Variants in WDR19 observed in about 807,000 individuals in gnomAD.
The protein encoded by WDR19 is WD repeat domain 19, also known as WD repeat-containing protein 19.
Under a neutral mutation model 180.0 loss-of-function variants are expected in WDR19, and 121 were observed. That is an observed-to-expected ratio of 0.67 (90% CI 0.58 to 0.78). The LOEUF (loss-of-function observed/expected upper bound fraction) is 0.78, where lower values mean the gene tolerates loss of function less well. WDR19 is among the 30% of genes least tolerant of loss of function. The pLI, the probability that WDR19 is intolerant of heterozygous loss-of-function variation, is 0.00. For synonymous variants in WDR19, 497 were observed against 540.7 expected, an observed-to-expected ratio of 0.92 and a Z score of 1.12; for missense variants, 1,450 against 1,640.7, an observed-to-expected ratio of 0.88 and a Z score of 2.01.
chr4:39,278,741 A>G, intron 36 of WDR19, 78 bp downstream of exon 36: 1 of 746,716 alleles, frequency 1.3e-6, no homozygotes, highest in Admixed American at 2.6e-5. Context: ...GTGTATCAGC[A>G]TCAACTCCTT....
chr4:39,264,335 A>T (rs956332887), intron 28 of WDR19, among the ~76,000 whole-genome samples: 5 of 152,212 alleles, frequency 3.3e-5, no homozygotes, highest in Admixed American at 3.3e-4. Flanking sequence ...ACAAGCTCTC[A>T]TTTATGTACC....
chr4:39,267,616 G>T (rs1029033487), intron 29 of WDR19, among the ~76,000 whole-genome samples: 17 of 152,184 alleles, frequency 1.1e-4, no homozygotes, highest in Non-Finnish European at 2.4e-4. Context: ...AATATATTTT[G>T]TTTCCAAGTA....
chr4:39,264,734 A>C (rs772158611), intron 28 of WDR19, among the ~76,000 whole-genome samples: 2 of 152,018 alleles, frequency 1.3e-5, no homozygotes, highest in Non-Finnish European at 2.9e-5. Flanking sequence ...CCCCTTTTTA[A>C]TAGACACACA....
chr4:39,187,677 A>G (rs879146851), intron 3 of WDR19, among the ~76,000 whole-genome samples: 6 of 152,218 alleles, frequency 3.9e-5, no homozygotes, highest in Admixed American at 1.3e-4. Context: ...CAAAGAAGCT[A>G]TAATTATATG....
intron 17 of WDR19, among the ~76,000 whole-genome samples, chr4:39,229,524 G>A (rs1253121545): frequency 6.6e-6 from 1 of 152,070 alleles, no homozygotes; most frequent in Non-Finnish European, 1.5e-5. Flanking sequence ...TCATAGTGAG[G>A]TTTGATTTTG....
At chr4:39,214,877 A>C (rs754544988) in intron 10 of WDR19, among the ~76,000 whole-genome samples, 2 of 151,224 alleles carry the variant, frequency 1.3e-5, no homozygotes, top group Non-Finnish European at 2.9e-5. Context: ...GGCTCAAGCT[A>C]TTCTCCTGCC....
At chr4:39,215,689 A>G (rs1728995871) in intron 10 of WDR19, among the ~76,000 whole-genome samples, 152 bp from the exon 11 acceptor site, 1 of 152,236 alleles carries the variant, frequency 6.6e-6, no homozygotes, top group Non-Finnish European at 1.5e-5. Flanking sequence ...AATCCATGGC[A>G]AATTTCCTAG....
intron 32 of WDR19, chr4:39,273,807 C>G (rs975533174): frequency 6.6e-6 from 1 of 152,208 alleles, no homozygotes; most frequent in Non-Finnish European, 1.5e-5. Context: ...TCTGTGTTCA[C>G]AAGCACGGTA....
chr4:39,185,573 C>T, intron 1 of WDR19, 153 bp from the exon 2 acceptor site: 3 of 623,646 alleles, frequency 4.8e-6, no homozygotes, highest in East Asian at 3.1e-5. Flanking sequence ...TGTTTTATTT[C>T]TTTTGTTGTT....
intron 15 of WDR19, 139 bp from the exon 16 acceptor site, chr4:39,228,071 C>T: frequency 3.7e-6 from 3 of 814,164 alleles, no homozygotes; most frequent in Non-Finnish European, 5.5e-6. Flanking sequence ...ACTTTCTTTC[C>T]TGTTGTTGTT....
intron 24 of WDR19, among the ~76,000 whole-genome samples, chr4:39,250,351 G>A (rs937181477): frequency 6.6e-6 from 1 of 152,114 alleles, no homozygotes; most frequent in Non-Finnish European, 1.5e-5. Context: ...TTGATGAGAC[G>A]TATCTCAAAA....
At chr4:39,233,506 C>T (rs930940999) in intron 19 of WDR19, among the ~76,000 whole-genome samples, 6 of 152,126 alleles carry the variant, frequency 3.9e-5, no homozygotes, top group African/African-American at 1.4e-4. Flanking sequence ...AGTGCCTGAT[C>T]AATAGTAAAG....
At chr4:39,259,238 G>T (rs1157603115) in intron 28 of WDR19, among the ~76,000 whole-genome samples, 1 of 152,150 alleles carries the variant, frequency 6.6e-6, no homozygotes, top group Non-Finnish European at 1.5e-5. Context: ...TTTCTTCTCA[G>T]TGTGGATATC....
At chr4:39,237,106 A>G (rs548644574) in intron 20 of WDR19, among the ~76,000 whole-genome samples, 1 of 152,372 alleles carries the variant, frequency 6.6e-6, no homozygotes, top group East Asian at 1.9e-4. Context: ...ATATTAAAAT[A>G]TGGAAAAAGA....
At chr4:39,252,180 A>C (rs10015521) in intron 24 of WDR19, among the ~76,000 whole-genome samples, 11,909 of 148,940 alleles carry the variant, frequency 0.08, 1,523 homozygotes, top group African/African-American at 0.28. Context: ...ATGCAGCCAT[A>C]AAAAATGATG....
At chr4:39,257,222 A>T (rs1733847854) in intron 27 of WDR19, among the ~76,000 whole-genome samples, 1 of 152,186 alleles carries the variant, frequency 6.6e-6, no homozygotes, top group Admixed American at 6.5e-5. Context: ...AAAATAATTA[A>T]ATCTTCCTAC....
At chr4:39,213,580 G>C (rs1167836923) in intron 9 of WDR19, among the ~76,000 whole-genome samples, 1 of 152,194 alleles carries the variant, frequency 6.6e-6, no homozygotes, top group Non-Finnish European at 1.5e-5. Context: ...TGGAGCTGGG[G>C]TCAGAAGGAA....
Position 39,214,647 on chromosome 4 carries a change from C to T in WDR19, c.937C>T (p.Leu313Phe). Residue 313 changes from leucine to phenylalanine, a missense_variant, in exon 10 of 37, where the codon CTC (leucine) becomes TTC (phenylalanine). Coordinates refer to ENST00000399820, the MANE Select transcript of WDR19 (RefSeq NM_025132.4). ...LVDLKDMYVI[L>F]NLDEENKGLG... Reference sequence around the variant, plus strand: ...TGACTTAAAAGACATGTATGTTATACTCAACCTGGATGAGGAAAATAAAGG... The same window carrying T: ...TGACTTAAAAGACATGTATGTTATATTCAACCTGGATGAGGAAAATAAAGG... 1 of 1,586,996 alleles carries T rather than the reference C, an allele frequency of 6.3e-7. No homozygotes were observed. The highest frequency in any genetic ancestry group is 8.6e-7 in the Non-Finnish European group (1 of 1,163,142).
chr4:39,189,497 A>G (rs1725921533), intron 3 of WDR19, among the ~76,000 whole-genome samples, 159 bp from the exon 4 acceptor site: 1 of 152,220 alleles, frequency 6.6e-6, no homozygotes, highest in Admixed American at 6.5e-5. Flanking sequence ...AATTGAAGTT[A>G]ACATTACCCA....
Sources: gnomAD v4.1 joint callset for allele counts (sites outside exome capture counted in the v4.1 genomes callset) on GRCh38, gnomAD v4.1.1 for gene constraint, MANE v1.5 for transcripts, NCBI Gene and HGNC (gene_info 2026-07-23, HGNC 2026-07-21) for gene names.